The following LRP1B variants were observed in gnomAD, a reference collection of about 807,000 sequenced individuals.
LRP1B encodes low-density lipoprotein receptor-related protein 1B.
A neutral mutation model predicts 556.6 loss-of-function variants in LRP1B; 217 were observed. The ratio of observed to expected loss-of-function variants is 0.39; its 90% CI spans 0.35 to 0.44. The LOEUF (loss-of-function observed/expected upper bound fraction) is 0.44, where lower values mean the gene tolerates loss of function less well. Ranked by LOEUF, LRP1B falls within the 20% of genes least tolerant of loss-of-function variation. The pLI is 1.00. For missense variants in LRP1B, 5,053 were observed against 5,620.8 expected, an observed-to-expected ratio of 0.90 and a Z score of 3.23; for synonymous variants, 2,047 against 1,865.8, an observed-to-expected ratio of 1.10 and a Z score of -2.50.
At chr2:140,662,529 G>A (rs570046208) in intron 41 of LRP1B, among the ~76,000 whole-genome samples, 100 of 152,074 alleles carry the variant, frequency 6.6e-4, no homozygotes, top group African/African-American at 2.1e-3. Flanking sequence ...AGAGAACAAG[G>A]AACTAATTTG....
At chr2:141,100,166 C>T (rs781485232) in intron 7 of LRP1B, among the ~76,000 whole-genome samples, 5 of 152,180 alleles carry the variant, frequency 3.3e-5, no homozygotes, top group African/African-American at 9.7e-5. Context: ...ACTTTAATAG[C>T]TCACAGGGGG....
intron 66 of LRP1B, among the ~76,000 whole-genome samples, chr2:140,405,167 T>C (rs184840567): frequency 1.3e-5 from 2 of 152,248 alleles, no homozygotes; most frequent in Admixed American, 6.5e-5. Flanking sequence ...TTGAGATGAA[T>C]GATAATAGTG....
intron 2 of LRP1B, among the ~76,000 whole-genome samples, chr2:141,506,790 G>GT (rs1198801257): frequency 6.6e-6 from 1 of 151,928 alleles, no homozygotes. Flanking sequence ...TATTTCTTGT[G>GT]TTTTTTATGT....
chr2:140,534,157 G>C lies in LRP1B; in HGVS notation c.7643-17C>G, dbSNP rs781461389. On this transcript the variant is annotated splice_polypyrimidine_tract_variant and intron_variant, in intron 46 of 90. Transcript: ENST00000389484. ...TTCTGTTTTCTTATAAATAAAAGTA[G>C]AAACACACAACCAGAGATCATATAG... is the stretch of plus-strand genomic sequence containing the variant. 6.2e-7 allele frequency: 1 copy of C among 1,603,800 alleles called. No individual in the cohort carries two copies. The highest frequency in any genetic ancestry group is 1.1e-5 in the South Asian group (1 of 89,824).
intron 2 of LRP1B, among the ~76,000 whole-genome samples, chr2:141,792,010 T>G (rs1263083147): frequency 6.6e-6 from 1 of 150,966 alleles, no homozygotes; most frequent in Non-Finnish European, 1.5e-5. Flanking sequence ...GTTGAAGCAG[T>G]TTTTCATAAT....
chr2:140,369,078 A>G (rs1359354974), intron 71 of LRP1B, among the ~76,000 whole-genome samples: 2 of 151,942 alleles, frequency 1.3e-5, no homozygotes, highest in Non-Finnish European at 2.9e-5. Context: ...TCTGAAAGGT[A>G]CTTGAGATTT....
chr2:140,556,657 A>T (rs191472374), intron 43 of LRP1B, among the ~76,000 whole-genome samples: 1 of 152,186 alleles, frequency 6.6e-6, no homozygotes, highest in Admixed American at 6.6e-5. Flanking sequence ...GCAAGGAAAG[A>T]CTTACCTTCG....
At chr2:140,337,810 C>G (rs1305037023) in intron 77 of LRP1B, among the ~76,000 whole-genome samples, 1 of 151,772 alleles carries the variant, frequency 6.6e-6, no homozygotes, top group East Asian at 1.9e-4. Context: ...CATGCAAGTT[C>G]CACTTCTGTT....
At chr2:141,149,623 C>T (rs1378811758) in intron 7 of LRP1B, among the ~76,000 whole-genome samples, 4 of 152,102 alleles carry the variant, frequency 2.6e-5, no homozygotes, top group East Asian at 1.9e-4. Flanking sequence ...CAAGGGACTA[C>T]TCTTGATGTT....
At chr2:141,656,427 C>T (rs954630248) in intron 2 of LRP1B, among the ~76,000 whole-genome samples, 6 of 152,090 alleles carry the variant, frequency 3.9e-5, no homozygotes, top group Non-Finnish European at 5.9e-5. Context: ...AAAATTCTTT[C>T]TGGGCAGTGT....
At chr2:141,607,024 A>T (rs1687938206) in intron 2 of LRP1B, among the ~76,000 whole-genome samples, 1 of 151,910 alleles carries the variant, frequency 6.6e-6, no homozygotes, top group African/African-American at 2.4e-5. Flanking sequence ...CTTCCAACAA[A>T]TATGTTTTCA....
chr2:141,149,729 A>T (rs1701874025), intron 7 of LRP1B, among the ~76,000 whole-genome samples: 2 of 152,178 alleles, frequency 1.3e-5, no homozygotes, highest in Admixed American at 1.3e-4. Context: ...ACATGATGAG[A>T]ATTCTATACT....
intron 66 of LRP1B, among the ~76,000 whole-genome samples, chr2:140,439,004 G>A (rs1318483695): frequency 6.6e-6 from 1 of 152,142 alleles, no homozygotes; most frequent in Non-Finnish European, 1.5e-5. Flanking sequence ...ACTGTAAACT[G>A]GGGAGAGAGA....
At position 142,070,684 on chromosome 2, in the gene LRP1B, G is replaced by A. The variant is rs181832908; in HGVS notation, c.82+59964C>T. On this transcript the variant is annotated intron_variant, in intron 1 of 90. Transcript: ENST00000389484. ...TTTAATCCCTTTATCAACAGATACT[G>A]ATATTGATATTGATATTGATATTGA... is the stretch of plus-strand genomic sequence containing the variant. Among the ~76,000 whole-genome samples the A allele has an allele frequency of 4.6e-3, 534 of 115,762 alleles. 3 individuals are homozygous for A. Among genetic ancestry groups the A allele is most frequent in the African/African-American group, 0.017 (479 of 27,650 alleles). The allele number at this position is 115,762 out of a possible 152,430, so 75.9% of individuals were successfully genotyped here.
At chr2:142,078,249 G>C (rs1345004472) in intron 1 of LRP1B, among the ~76,000 whole-genome samples, 1 of 152,028 alleles carries the variant, frequency 6.6e-6, no homozygotes, top group Non-Finnish European at 1.5e-5. Context: ...TAACCAAAAA[G>C]TCTTATCCAT....
chr2:142,068,392 T>C lies in LRP1B; in HGVS notation c.82+62256A>G, dbSNP rs1330898803. 4.0e-5 allele frequency among the ~76,000 whole-genome samples: 6 copies of C among 151,532 alleles called. No individual in the cohort carries two copies. The Admixed American group carries it at 4.0e-4, about 10-fold the overall frequency. On this transcript the variant is annotated intron_variant, in intron 1 of 90. Coordinates refer to ENST00000389484, the MANE Select transcript of LRP1B (RefSeq NM_018557.3). ...CATAAAGTAACAAATAGGAGGATTA[T>C]TGAATCTGGAATACAGCAGGAGAAC...
chr2:141,666,954 C>G (rs1690463153), intron 2 of LRP1B, among the ~76,000 whole-genome samples: 1 of 152,096 alleles, frequency 6.6e-6, no homozygotes, highest in Non-Finnish European at 1.5e-5. Context: ...CACTGCTGCC[C>G]TCAGCTCATT....
At chr2:140,400,945 C>T (rs778176128) in intron 66 of LRP1B, among the ~76,000 whole-genome samples, 76 of 152,282 alleles carry the variant, frequency 5.0e-4, no homozygotes, top group Non-Finnish European at 4.9e-4. Context: ...AAAGTAAAAG[C>T]AGCAGTGGGA....
intron 88 of LRP1B, 104 bp from the exon 89 acceptor site, chr2:140,238,400 G>A: frequency 1.7e-6 from 1 of 583,274 alleles, no homozygotes. Flanking sequence ...GAAATAAATT[G>A]AATAAATGAC....
Sources: allele counts gnomAD v4.1 joint callset (sites outside exome capture counted in the v4.1 genomes callset), GRCh38; gene constraint gnomAD v4.1.1; transcripts MANE v1.5; gene names NCBI Gene and HGNC (gene_info 2026-07-23, HGNC 2026-07-21).